Variants in ADAM32 observed in about 807,000 individuals in gnomAD.
The protein encoded by ADAM32 is disintegrin and metalloproteinase domain-containing protein 32.
A neutral mutation model predicts 114.9 loss-of-function variants in ADAM32; 89 were observed. That is an observed-to-expected ratio of 0.77 (90% CI 0.65 to 0.92). The LOEUF (loss-of-function observed/expected upper bound fraction) is 0.92. Ranked by LOEUF, ADAM32 falls within the 40% of genes least tolerant of loss-of-function variation. ADAM32 has a pLI of 0.00. For missense variants in ADAM32, 870 were observed against 932.8 expected, an observed-to-expected ratio of 0.93 and a Z score of 0.88; for synonymous variants, 285 against 307.5, an observed-to-expected ratio of 0.93 and a Z score of 0.77.
chr8:39,229,557 T>C (rs1335324482), intron 14 of ADAM32, among the ~76,000 whole-genome samples: 1 of 152,110 alleles, frequency 6.6e-6, no homozygotes, highest in Non-Finnish European at 1.5e-5. Flanking sequence ...TATTCTTATA[T>C]CAGACAAAAC....
intron 22 of ADAM32, among the ~76,000 whole-genome samples, chr8:39,278,729 C>G (rs535429481): frequency 6.6e-6 from 1 of 151,938 alleles, no homozygotes; most frequent in African/African-American, 2.4e-5. Context: ...TTGCTTTGCT[C>G]TCACTATTTA....
At chr8:39,224,247 CAT>C (rs1809189176) in intron 14 of ADAM32, 2 of 152,102 alleles carry the variant, frequency 1.3e-5, no homozygotes, top group African/African-American at 2.4e-5. Context: ...TGGGGGTGCA[CAT>C]ATCTCTTTTG....
intron 12 of ADAM32, among the ~76,000 whole-genome samples, chr8:39,217,138 T>A (rs1585563714): frequency 1.3e-5 from 2 of 151,794 alleles, no homozygotes; most frequent in African/African-American, 4.8e-5. Flanking sequence ...AGATATGCTA[T>A]CCTAAGGCAA....
At chr8:39,231,973 G>T in intron 14 of ADAM32, 54 bp from the exon 15 acceptor site, 1 of 1,345,012 alleles carries the variant, frequency 7.4e-7, no homozygotes, top group Non-Finnish European at 1.1e-6. Flanking sequence ...AGAAATGGAG[G>T]AAGATGAAAA....
chr8:39,242,849 G>A (rs77567564), intron 16 of ADAM32, among the ~76,000 whole-genome samples: 2 of 152,108 alleles, frequency 1.3e-5, no homozygotes, highest in Non-Finnish European at 2.9e-5. Context: ...ACAAAAGCTG[G>A]TTCTTTGAAA....
Position 39,258,159 on chromosome 8 carries a change from C to T in ADAM32, c.2162+816C>T, listed in dbSNP as rs746610580. Reference sequence around the variant, plus strand: ...TTTTTTTTCTTTTTCATGAGCAGTCCGCTCAGAGGTGTTTTTATTTTGTTA... The same window carrying T: ...TTTTTTTTCTTTTTCATGAGCAGTCTGCTCAGAGGTGTTTTTATTTTGTTA... On this transcript the variant is annotated intron_variant, in intron 19 of 24. Transcript: ENST00000379907. 5.3e-5 allele frequency among the ~76,000 whole-genome samples: 8 copies of T among 151,110 alleles called. No homozygotes were observed. In the East Asian group the frequency reaches 5.8e-4, roughly 11 times the overall value.
chr8:39,153,707 C>T (rs1202731433), intron 6 of ADAM32, among the ~76,000 whole-genome samples: 1 of 152,132 alleles, frequency 6.6e-6, no homozygotes, highest in Admixed American at 6.5e-5. Context: ...TGATCCTAAT[C>T]CTGCTTCTCC....
chr8:39,258,139 T>C (rs1448044854), intron 19 of ADAM32, among the ~76,000 whole-genome samples: 1 of 151,996 alleles, frequency 6.6e-6, no homozygotes, highest in Non-Finnish European at 1.5e-5. Flanking sequence ...GTCTTTTTTT[T>C]TTCTTTTTCA....
intron 15 of ADAM32, among the ~76,000 whole-genome samples, chr8:39,232,596 T>G (rs932998907): frequency 6.6e-6 from 1 of 152,182 alleles, no homozygotes; most frequent in African/African-American, 2.4e-5. Flanking sequence ...AGTTAGCAAA[T>G]CATACTCATA....
At chr8:39,121,635 AT>A (rs1429730464) in intron 2 of ADAM32, among the ~76,000 whole-genome samples, 2 of 152,188 alleles carry the variant, frequency 1.3e-5, no homozygotes, top group Non-Finnish European at 2.9e-5. Context: ...CCTGAAAGCA[AT>A]TCAGAGATCA....
At chr8:39,281,093 A>G (rs1813392503) in intron 22 of ADAM32, 43 bp from the exon 23 acceptor site, 1 of 1,068,272 alleles carries the variant, frequency 9.4e-7, no homozygotes, top group Non-Finnish European at 1.2e-6. Flanking sequence ...ATTTATTTTT[A>G]ATAATAGATA....
At chr8:39,273,429 A>G (rs969503286) in intron 20 of ADAM32, among the ~76,000 whole-genome samples, 31 of 152,164 alleles carry the variant, frequency 2.0e-4, no homozygotes, top group African/African-American at 7.2e-4. Context: ...CAGGAGGGTG[A>G]GGCAGGAGAA....
chr8:39,173,093 A>T (rs1020398625), intron 10 of ADAM32, among the ~76,000 whole-genome samples: 2 of 152,204 alleles, frequency 1.3e-5, no homozygotes, highest in African/African-American at 4.8e-5. Flanking sequence ...CCTTGTCGCT[A>T]CTAACAATAC....
At chr8:39,228,406 G>A (rs965415956) in intron 14 of ADAM32, among the ~76,000 whole-genome samples, 1 of 152,170 alleles carries the variant, frequency 6.6e-6, no homozygotes, top group African/African-American at 2.4e-5. Context: ...GAAAGGAGAA[G>A]CCGAATGCAA....
At chr8:39,175,522 G>A (rs999303345) in intron 10 of ADAM32, among the ~76,000 whole-genome samples, 1 of 152,132 alleles carries the variant, frequency 6.6e-6, no homozygotes, top group Non-Finnish European at 1.5e-5. Flanking sequence ...TCCTGGGGAC[G>A]AAGCCAACTT....
intron 12 of ADAM32, among the ~76,000 whole-genome samples, chr8:39,218,080 C>A (rs888807576): frequency 1.3e-5 from 2 of 151,676 alleles, no homozygotes; most frequent in African/African-American, 4.8e-5. Context: ...TTAGGGGTCA[C>A]CCCAACCTCA....
Position 39,145,603 on chromosome 8 carries a change from G to A in ADAM32, c.201-1527G>A, listed in dbSNP as rs549191385. The stretch of plus-strand genomic sequence containing the variant: ...ACGTAGAAAGACAGGAGAACCAGGA[G>A]GAAGTGGTATCTATCATTATCACTG... On this transcript the variant is annotated intron_variant, in intron 3 of 24. Coordinates refer to ENST00000379907, the MANE Select transcript of ADAM32 (RefSeq NM_145004.7). Among the ~76,000 whole-genome samples, 7 of 152,280 alleles carry A rather than the reference G, an allele frequency of 4.6e-5. No homozygotes were observed. In the South Asian group the frequency reaches 1.2e-3, roughly 27 times the overall value.
chr8:39,223,722 G>T (rs1809151263), intron 14 of ADAM32: 1 of 151,916 alleles, frequency 6.6e-6, no homozygotes, highest in Admixed American at 6.6e-5. Context: ...AAGTCACATT[G>T]TTGTACATTA....
At chr8:39,253,530 G>A (rs1811441146) in intron 17 of ADAM32, among the ~76,000 whole-genome samples, 1 of 151,560 alleles carries the variant, frequency 6.6e-6, no homozygotes, top group Admixed American at 6.6e-5. Context: ...AAACCATAAA[G>A]GTTCCATAAA....
Sources: gnomAD v4.1 joint callset for allele counts (sites outside exome capture counted in the v4.1 genomes callset) on GRCh38, gnomAD v4.1.1 for gene constraint, MANE v1.5 for transcripts, NCBI Gene and HGNC (gene_info 2026-07-23, HGNC 2026-07-21) for gene names.